The following ZNF611 variants were observed in gnomAD, a reference collection of about 807,000 sequenced individuals.
The protein encoded by ZNF611 is zinc finger protein 611.
A neutral mutation model predicts 8.9 loss-of-function variants in ZNF611; 6 were observed. The observed-to-expected ratio is 0.68, with a 90% CI of 0.37 to 1.34. ZNF611 has a LOEUF of 1.34. ZNF611 is among the 40% of genes most tolerant of loss of function. ZNF611 has a pLI of 0.02. For synonymous variants in ZNF611, 262 were observed against 279.7 expected (o/e 0.94, Z 0.63); for missense variants, 874 against 841.3 (o/e 1.04, Z -0.48).
intron 1 of ZNF611, among the ~76,000 whole-genome samples, chr19:52,730,934 T>C (rs1314880047): frequency 6.6e-6 from 1 of 152,086 alleles, no homozygotes; most frequent in Non-Finnish European, 1.5e-5. Context: ...TTGTTATTTC[T>C]TTTTGTTTGT....
At chr19:52,734,046 A>C (rs2062441343) in intron 1 of ZNF611, among the ~76,000 whole-genome samples, 1 of 150,044 alleles carries the variant, frequency 6.7e-6, no homozygotes, top group African/African-American at 2.4e-5. Flanking sequence ...CCTGGCTCCA[A>C]ATCCTTCCCT....
chr19:52,730,194 C>T (rs61278889), intron 1 of ZNF611, among the ~76,000 whole-genome samples, 189 bp from the exon 2 acceptor site: 3,731 of 151,798 alleles, frequency 0.025, 141 homozygotes, highest in African/African-American at 0.085. Flanking sequence ...GAGATCGAGA[C>T]CATCCTGGCT....
chr19:52,705,479 C>A lies in ZNF611; in HGVS notation c.1576G>T (p.Glu526Ter). 6.2e-7 allele frequency: 1 copy of A among 1,614,118 alleles called. No individual in the cohort carries two copies. Among genetic ancestry groups the A allele is most frequent in the African/African-American group, 1.3e-5 (1 of 75,008 alleles). The part of the protein sequence containing the change: ...EKVFSRKSSL[E>*]THKIGHTGEK... ...CCAGTATGACCTATCTTATGTGTCT[C>A]AAGGCTTGATTTACGACTGAAAACC... The change falls in exon 6 of 6, where the codon GAG becomes TAG. Residue 526 changes from glutamate to a stop codon, truncating the protein, a stop_gained. Transcript: ENST00000652185. LOFTEE classifies it low-confidence loss of function (END_TRUNC).
At chr19:52,724,852 T>C (rs2062381601) in intron 3 of ZNF611, among the ~76,000 whole-genome samples, 1 of 152,164 alleles carries the variant, frequency 6.6e-6, no homozygotes, top group African/African-American at 2.4e-5. Context: ...TCTCCCTATC[T>C]TGTCCTTCAT....
chr19:52,704,502 G>A lies in ZNF611; in HGVS notation c.*435C>T. On this transcript the variant is annotated 3_prime_UTR_variant, in exon 6 of 6. Coordinates refer to ENST00000652185, the MANE Select transcript of ZNF611 (RefSeq NM_001161499.2). ...AGGATGAAGCTTGACTGAAGACCTTGGCACAGTCATGACATTTGTAAGGTT... is the reference window on the plus strand; with the variant it reads ...AGGATGAAGCTTGACTGAAGACCTTAGCACAGTCATGACATTTGTAAGGTT... 1 of 984,118 alleles carries A rather than the reference G, an allele frequency of 1.0e-6. No individual in the cohort carries two copies. Among genetic ancestry groups the A allele is most frequent in the African/African-American group, 1.6e-5 (1 of 62,696 alleles). The allele number at this position is 984,118 out of a possible 1,614,324, so 61.0% of individuals were successfully genotyped here.
rs759166259 is a variant in ZNF611, at chr19:52,705,177, C to T, written c.1878G>A (p.Glu626=). The T allele has an allele frequency of 1.9e-6, 3 of 1,613,992 alleles. No homozygotes were observed. The highest frequency in any genetic ancestry group is 1.3e-5 in the African/African-American group (1 of 74,898). Reference sequence around the variant, plus strand: ...AGCAGTGACGGAAGGTATTGCCACACTCATTACACTTGTAAGGTTTCTCAC... The same window carrying T: ...AGCAGTGACGGAAGGTATTGCCACATTCATTACACTTGTAAGGTTTCTCAC... ...HSGEKPYKCN[E]CGNTFRHCSS... Residue 626 remains glutamate (E), a synonymous_variant, in exon 6 of 6, where the codon GAG becomes GAA. Transcript: ENST00000652185.
At chr19:52,730,751 A>C (rs1260886269) in intron 1 of ZNF611, among the ~76,000 whole-genome samples, 2 of 150,108 alleles carry the variant, frequency 1.3e-5, no homozygotes, top group East Asian at 4.0e-4. Context: ...CACCCAGCTA[A>C]TTTTGTATTT....
At position 52,704,307 on chromosome 19, in the gene ZNF611, A is replaced by G. The variant is rs567066923; in HGVS notation, c.*630T>C. On this transcript the variant is annotated 3_prime_UTR_variant, in exon 6 of 6. Transcript: ENST00000652185. ...AAAAATGAATTTTCTGATGTTCTGC[A>G]TGGAGTGATCTTGGACTGAAGACCT... is the stretch of plus-strand genomic sequence containing the variant. 53 of 572,334 alleles carry G rather than the reference A, an allele frequency of 9.3e-5. No homozygotes were observed. The African/African-American group carries it at 9.5e-4, about 10-fold the overall frequency. The allele number at this position is 572,334 out of a possible 1,614,324, so 35.5% of individuals were successfully genotyped here. A position where few individuals can be genotyped will look rare whatever the true frequency, so the allele number is the denominator to read the frequency against.
At chr19:52,719,662 T>C (rs2147434879) in intron 3 of ZNF611, among the ~76,000 whole-genome samples, 1 of 152,382 alleles carries the variant, frequency 6.6e-6, no homozygotes. Flanking sequence ...ATTCTATACA[T>C]AGCTCTTTCT....
intron 1 of ZNF611, among the ~76,000 whole-genome samples, chr19:52,733,254 C>G (rs1254815927): frequency 1.3e-5 from 2 of 152,054 alleles, no homozygotes; most frequent in Non-Finnish European, 2.9e-5. Context: ...ATGTCACAAC[C>G]AATCATATCC....
Position 52,705,143 on chromosome 19 carries a change from T to C in ZNF611, c.1912A>G (p.Ile638Val), listed in dbSNP as rs750734245. 2.1e-5 allele frequency: 34 copies of C among 1,613,908 alleles called. No homozygotes were observed. The highest frequency in any genetic ancestry group is 2.4e-5 in the Non-Finnish European group (28 of 1,180,006). ...GNTFRHCSSL[I>V]YHRRLHTGEK... ...CCAGTATGAAGTCTACGATGGTATA[T>C]AAGGGATGAGCAGTGACGGAAGGTA... Residue 638 changes from isoleucine (I) to valine (V), a missense_variant, in exon 6 of 6, where the codon ATA (isoleucine) becomes GTA (valine). Physicochemically the swap from Ile to Val is conservative, Grantham distance 29. Transcript: ENST00000652185.
Position 52,706,364 on chromosome 19 carries a change from A to G in ZNF611, c.691T>C (p.Phe231Leu). 1 of 1,614,224 alleles carries G rather than the reference A, an allele frequency of 6.2e-7. No homozygotes were observed. The highest frequency in any genetic ancestry group is 2.2e-5 in the East Asian group (1 of 44,876). Residue 231 changes from phenylalanine (F) to leucine (L), a missense_variant, in exon 6 of 6, where the codon TTC becomes CTC. Transcript: ENST00000652185. ...KQEVHMREKS[F>L]QCNKSGKAFN... ...GCTTTGCCACTCTTATTACATTGGAAAGATTTTTCTCTCATGTGTACTTCC... is the reference window on the plus strand; with the variant it reads ...GCTTTGCCACTCTTATTACATTGGAGAGATTTTTCTCTCATGTGTACTTCC...
At chr19:52,727,725 G>C (rs2062401367) in intron 3 of ZNF611, among the ~76,000 whole-genome samples, 1 of 152,054 alleles carries the variant, frequency 6.6e-6, no homozygotes, top group South Asian at 2.1e-4. Flanking sequence ...TGAGCCACCA[G>C]GGTCAGCCAG....
rs1431087450 is a variant in ZNF611, at chr19:52,714,259, G to T, written c.64-118C>A. 3 of 1,507,216 alleles carry T rather than the reference G, an allele frequency of 2.0e-6. No individual in the cohort carries two copies. In the African/African-American group the frequency reaches 4.3e-5, roughly 21 times the overall value. The allele number at this position is 1,507,216 out of a possible 1,614,324, so 93.4% of individuals were successfully genotyped here. On this transcript the variant is annotated intron_variant, in intron 4 of 5. Transcript: ENST00000652185. ...GATCAAAGATTATGTTCTGACAAAAGGATGTTAAGGTATTTTTGAATATTT... is the reference window on the plus strand; with the variant it reads ...GATCAAAGATTATGTTCTGACAAAATGATGTTAAGGTATTTTTGAATATTT...
At chr19:52,730,712 G>C (rs1360594144) in intron 1 of ZNF611, among the ~76,000 whole-genome samples, 1 of 151,848 alleles carries the variant, frequency 6.6e-6, no homozygotes, top group Non-Finnish European at 1.5e-5. Flanking sequence ...AGCCTCCTGA[G>C]TAGCTGGGAT....
Position 52,704,906 on chromosome 19 carries a change from A to G in ZNF611, c.*31T>C. ...CCTATGTCTTTAAGGTGTGATTTCC[A>G]AATGGAAACTTTGTCACATGCTTCA... is the stretch of plus-strand genomic sequence containing the variant. On this transcript the variant is annotated 3_prime_UTR_variant, in exon 6 of 6. Transcript: ENST00000652185. The G allele has an allele frequency of 1.2e-6, 2 of 1,612,244 alleles. No homozygotes were observed. Among genetic ancestry groups the G allele is most frequent in the Admixed American group, 1.7e-5 (1 of 59,858 alleles).
At chr19:52,725,721 C>T (rs1193953796) in intron 3 of ZNF611, among the ~76,000 whole-genome samples, 1 of 152,172 alleles carries the variant, frequency 6.6e-6, no homozygotes, top group Non-Finnish European at 1.5e-5. Flanking sequence ...GCAAAACTCA[C>T]GCGCCTCGGT....
At chr19:52,712,129 T>A (rs1253004231) in intron 5 of ZNF611, among the ~76,000 whole-genome samples, 3 of 152,082 alleles carry the variant, frequency 2.0e-5, no homozygotes, top group Non-Finnish European at 4.4e-5. Context: ...CAGTTTTACA[T>A]CTCTTAAATT....
rs752179346 is a variant in ZNF611, at chr19:52,705,786, C to T, written c.1269G>A (p.Lys423=). The change falls in exon 6 of 6, where the codon AAG becomes AAA. Residue 423 remains lysine (K), a synonymous_variant. Coordinates refer to ENST00000652185, the MANE Select transcript of ZNF611 (RefSeq NM_001161499.2). ...CACACTCATTACATTTATAAGTTTTCTTTGCAGTATGAATTCTTCTATGTC... is the reference window on the plus strand; with the variant it reads ...CACACTCATTACATTTATAAGTTTTTTTTGCAGTATGAATTCTTCTATGTC... The part of the protein sequence containing the change: ...LARHRRIHTA[K]KTYKCNECGK... 1.2e-6 allele frequency: 2 copies of T among 1,613,396 alleles called. No individual in the cohort carries two copies. The highest frequency in any genetic ancestry group is 4.5e-5 in the East Asian group (2 of 44,800).
Sources: allele counts gnomAD v4.1 joint callset (sites outside exome capture counted in the v4.1 genomes callset), GRCh38; gene constraint gnomAD v4.1.1; transcripts MANE v1.5; gene names NCBI Gene and HGNC (gene_info 2026-07-23, HGNC 2026-07-21).